EXOC4: variants seen among roughly 807,000 people sequenced by gnomAD.
EXOC4 encodes the protein exocyst complex component 4, also known as SEC8-like 1.
EXOC4 carries 71 observed loss-of-function variants against 107.2 expected under a neutral mutation model. The ratio of observed to expected loss-of-function variants is 0.66; its 90% CI spans 0.55 to 0.81. The LOEUF is 0.81. Ranked by LOEUF, EXOC4 falls within the 30% of genes least tolerant of loss-of-function variation. EXOC4 has a pLI of 0.00. For missense variants in EXOC4, 1,108 were observed against 1,189.6 expected (o/e 0.93, Z 1.01); for synonymous variants, 456 against 441.2 (o/e 1.03, Z -0.42).
At chr7:133,625,935 G>A (rs1048504300) in intron 9 of EXOC4, among the ~76,000 whole-genome samples, 5 of 152,158 alleles carry the variant, frequency 3.3e-5, no homozygotes, top group African/African-American at 9.7e-5. Flanking sequence ...GGCCAGCGAC[G>A]GTGGCTCACA....
intron 10 of EXOC4, among the ~76,000 whole-genome samples, chr7:133,780,129 C>G (rs1316342684): frequency 1.3e-5 from 2 of 151,886 alleles, no homozygotes; most frequent in Non-Finnish European, 2.9e-5. Context: ...GTCATATTAT[C>G]AAAAAACTAG....
rs752955265 is a variant in EXOC4, at chr7:133,997,531, T to A, written c.2246T>A (p.Leu749His). ...CAAGACAGCCACACGAACACGGATCTCCCCCCAGTGTCAGAGCAGATCATG... is the reference window on the plus strand; with the variant it reads ...CAAGACAGCCACACGAACACGGATCACCCCCCAGTGTCAGAGCAGATCATG... ...PAQDSHTNTD[L>H]PPVSEQIMQT... The change falls in exon 15 of 18, where the codon CTC becomes CAC. Residue 749 changes from leucine to histidine, a missense_variant. Coordinates refer to ENST00000253861, the MANE Select transcript of EXOC4 (RefSeq NM_021807.4). The A allele has an allele frequency of 6.2e-7, 1 of 1,613,634 alleles. No homozygotes were observed. The highest frequency in any genetic ancestry group is 8.5e-7 in the Non-Finnish European group (1 of 1,179,758).
At chr7:133,671,037 A>G (rs1327884384) in intron 10 of EXOC4, among the ~76,000 whole-genome samples, 1 of 152,188 alleles carries the variant, frequency 6.6e-6, no homozygotes, top group Non-Finnish European at 1.5e-5. Flanking sequence ...ACCATGAGAT[A>G]CCTGGGAGAG....
chr7:133,888,498 T>C (rs950262596), intron 11 of EXOC4, among the ~76,000 whole-genome samples: 4 of 152,204 alleles, frequency 2.6e-5, no homozygotes, highest in Admixed American at 6.5e-5. Context: ...AGGCATGAAC[T>C]AATGGTTTAA....
chr7:133,483,667 C>A (rs944674232), intron 9 of EXOC4, among the ~76,000 whole-genome samples: 1 of 152,214 alleles, frequency 6.6e-6, no homozygotes, highest in African/African-American at 2.4e-5. Context: ...TTTAGGTGAG[C>A]TGACATATTA....
chr7:133,688,226 T>C (rs1794347558), intron 10 of EXOC4, among the ~76,000 whole-genome samples: 1 of 152,124 alleles, frequency 6.6e-6, no homozygotes, highest in East Asian at 1.9e-4. Context: ...TTATGTGAAG[T>C]GGGTTGAAAT....
chr7:133,683,847 T>C (rs926514350), intron 10 of EXOC4, among the ~76,000 whole-genome samples: 2 of 152,146 alleles, frequency 1.3e-5, no homozygotes, highest in Admixed American at 6.6e-5. Flanking sequence ...AACAAGCTGG[T>C]AAATATCTTT....
Position 133,317,375 on chromosome 7 carries a change from G to T in EXOC4, c.748G>T (p.Ala250Ser), listed in dbSNP as rs138281330. 1.7e-5 allele frequency: 28 copies of T among 1,604,522 alleles called. No individual in the cohort carries two copies. Among genetic ancestry groups the T allele is most frequent in the Non-Finnish European group, 2.0e-5 (23 of 1,171,572 alleles). Residue 250 changes from alanine (A) to serine (S), a missense_variant, in exon 5 of 18, where the codon GCT becomes TCT. Physicochemically the swap from Ala to Ser is moderately conservative, Grantham distance 99. Transcript: ENST00000253861. ...CCTTGATACCTCTCACTATTCTACTGCTGGAAGCTCAAGTGGTAAGTATTT... is the reference window on the plus strand; with the variant it reads ...CCTTGATACCTCTCACTATTCTACTTCTGGAAGCTCAAGTGGTAAGTATTT... ...KFLDTSHYSTAGSSSVREINL... is the reference protein window; with the variant it reads ...KFLDTSHYSTSGSSSVREINL...
chr7:133,485,889 ATGAG>A (rs1235170905), intron 9 of EXOC4, among the ~76,000 whole-genome samples: 4 of 152,130 alleles, frequency 2.6e-5, no homozygotes, highest in Non-Finnish European at 4.4e-5. Context: ...AAACTCATGA[ATGAG>A]TAAGAGTATA....
At chr7:133,767,072 A>G (rs892042615) in intron 10 of EXOC4, among the ~76,000 whole-genome samples, 6 of 151,856 alleles carry the variant, frequency 4.0e-5, no homozygotes, top group African/African-American at 1.5e-4. Flanking sequence ...TTTTGCATGC[A>G]TACTTGCATC....
intron 10 of EXOC4, among the ~76,000 whole-genome samples, chr7:133,666,042 A>G (rs766354248): frequency 6.6e-6 from 1 of 152,178 alleles, no homozygotes; most frequent in Non-Finnish European, 1.5e-5. Context: ...TCCCACATGC[A>G]TGACTTTTAT....
chr7:133,600,958 T>C (rs1801791697), intron 9 of EXOC4, among the ~76,000 whole-genome samples: 1 of 152,234 alleles, frequency 6.6e-6, no homozygotes, highest in Non-Finnish European at 1.5e-5. Flanking sequence ...TGTAATTAAA[T>C]ACTGTCAATG....
chr7:133,861,911 T>G (rs1360999186), intron 11 of EXOC4, among the ~76,000 whole-genome samples: 3 of 152,212 alleles, frequency 2.0e-5, no homozygotes, highest in East Asian at 1.9e-4. Context: ...GAAACACTGG[T>G]TTAGAGGACA....
chr7:133,847,022 T>A (rs557449257), intron 11 of EXOC4, among the ~76,000 whole-genome samples: 18 of 152,318 alleles, frequency 1.2e-4, no homozygotes, highest in East Asian at 1.9e-4. Flanking sequence ...CTTAAAAAAA[T>A]TTTTATTTAA....
At chr7:133,834,292 T>C (rs762976363) in intron 11 of EXOC4, among the ~76,000 whole-genome samples, 14 of 152,140 alleles carry the variant, frequency 9.2e-5, no homozygotes, top group Non-Finnish European at 1.5e-4. Flanking sequence ...CCTTACCTTA[T>C]TTGGAAAGAG....
At chr7:134,029,848 T>G (rs1795229941) in intron 17 of EXOC4, among the ~76,000 whole-genome samples, 1 of 152,176 alleles carries the variant, frequency 6.6e-6, no homozygotes, top group Non-Finnish European at 1.5e-5. Context: ...AGCCTTTTCT[T>G]AGGCTCTTAC....
chr7:133,480,500 A>G, intron 9 of EXOC4: 2 of 1,044,588 alleles, frequency 1.9e-6, no homozygotes, highest in Non-Finnish European at 2.3e-6. Context: ...CTAGAATATG[A>G]CAGGAGTACC....
intron 10 of EXOC4, among the ~76,000 whole-genome samples, chr7:133,737,496 C>T (rs1795468524): frequency 6.6e-6 from 1 of 151,278 alleles, no homozygotes; most frequent in Non-Finnish European, 1.5e-5. Flanking sequence ...AAATTTTTGC[C>T]TTGTTCTAGG....
intron 10 of EXOC4, among the ~76,000 whole-genome samples, chr7:133,687,420 T>C (rs921507454): frequency 6.6e-6 from 1 of 151,934 alleles, no homozygotes; most frequent in Non-Finnish European, 1.5e-5. Context: ...AATTAAAATA[T>C]TATATTTAAA....
Sources: allele counts gnomAD v4.1 joint callset (sites outside exome capture counted in the v4.1 genomes callset), GRCh38; gene constraint gnomAD v4.1.1; transcripts MANE v1.5; gene names NCBI Gene and HGNC (gene_info 2026-07-23, HGNC 2026-07-21).